The following PRKCQ variants were observed in gnomAD, a reference collection of about 807,000 sequenced individuals.
PRKCQ encodes the protein protein kinase C theta, also known as protein kinase C theta type.
Under a neutral mutation model 91.2 loss-of-function variants are expected in PRKCQ, and 41 were observed. That is an observed-to-expected ratio of 0.45 (90% CI 0.35 to 0.58). PRKCQ has a LOEUF of 0.58. PRKCQ is among the 20% of genes least tolerant of loss of function. PRKCQ has a pLI of 0.00. For synonymous variants in PRKCQ, 307 were observed against 316.9 expected, an observed-to-expected ratio of 0.97 and a Z score of 0.33; for missense variants, 673 against 896.5, an observed-to-expected ratio of 0.75 and a Z score of 3.18.
Position 6,522,286 on chromosome 10 carries a change from C to T in PRKCQ, c.-9-7142G>A, listed in dbSNP as rs553259139. Among the ~76,000 whole-genome samples, 10 of 152,252 alleles carry T rather than the reference C, an allele frequency of 6.6e-5. No homozygotes were observed. The South Asian group carries it at 2.1e-3, about 32-fold the overall frequency. ...CAAAGGATCTTTACTCTTAGAGGCT[C>T]ACTATTTTCAGCTTTAAGTGTGATC... On this transcript the variant is annotated intron_variant, in intron 1 of 17. Transcript: ENST00000263125.
At chr10:6,460,829 TCCATCCATCCATC>T (rs967568254) in intron 14 of PRKCQ, among the ~76,000 whole-genome samples, 5 of 151,794 alleles carry the variant, frequency 3.3e-5, no homozygotes, top group African/African-American at 9.7e-5. Flanking sequence ...TCCATCACCA[TCCATCCATCCATC>T]CCATCCATCC....
At chr10:6,397,748 C>A in the PRKCQ span, among the ~76,000 whole-genome samples, 8 of 152,058 alleles carry the variant, frequency 5.3e-5, no homozygotes, top group Non-Finnish European at 1.2e-4. Flanking sequence ...ATGTGGTGAA[C>A]CCTCATCTCT....
the PRKCQ span, among the ~76,000 whole-genome samples, chr10:6,409,336 C>G: frequency 1.3e-5 from 2 of 152,222 alleles, no homozygotes; most frequent in South Asian, 4.1e-4. Flanking sequence ...GCTCCGTCAT[C>G]CAGGCTGGAG....
intron 1 of PRKCQ, among the ~76,000 whole-genome samples, chr10:6,565,261 A>AT (rs1427951951): frequency 6.6e-6 from 1 of 152,138 alleles, no homozygotes; most frequent in East Asian, 1.9e-4. Flanking sequence ...GGTCTAGTCT[A>AT]TTTTTTCCAT....
chr10:6,419,989 G>A, the PRKCQ span, among the ~76,000 whole-genome samples: 4 of 150,890 alleles, frequency 2.7e-5, no homozygotes, highest in African/African-American at 7.3e-5. Context: ...GTGCCCAGCC[G>A]AAATCTCCTT....
intron 16 of PRKCQ, among the ~76,000 whole-genome samples, chr10:6,433,087 T>TA (rs1465496789): frequency 2.0e-5 from 3 of 152,202 alleles, no homozygotes; most frequent in Admixed American, 6.5e-5. Flanking sequence ...TTACGACTGA[T>TA]ACATCATCCA....
chr10:6,494,644 A>G (rs1296173994), intron 7 of PRKCQ, among the ~76,000 whole-genome samples: 1 of 152,112 alleles, frequency 6.6e-6, no homozygotes. Flanking sequence ...GTGTAGGAGG[A>G]GCGGTCTCTG....
chr10:6,461,039 C>T (rs1835308458), intron 14 of PRKCQ, among the ~76,000 whole-genome samples: 1 of 151,898 alleles, frequency 6.6e-6, no homozygotes, highest in Non-Finnish European at 1.5e-5. Flanking sequence ...TACATCCATT[C>T]ATCCATCCAT....
intron 1 of PRKCQ, among the ~76,000 whole-genome samples, chr10:6,563,202 A>G (rs929187569): frequency 1.3e-5 from 2 of 152,004 alleles, no homozygotes; most frequent in Non-Finnish European, 2.9e-5. Context: ...CTAGGATTTC[A>G]GAGCGTAAGT....
At chr10:6,545,693 T>G (rs1054204473) in intron 1 of PRKCQ, among the ~76,000 whole-genome samples, 1 of 152,166 alleles carries the variant, frequency 6.6e-6, no homozygotes, top group Non-Finnish European at 1.5e-5. Context: ...ACTGTGAATG[T>G]TCTCATGTCC....
chr10:6,456,541 T>C lies in PRKCQ; in HGVS notation c.1647+133A>G, dbSNP rs530329475. The C allele has an allele frequency of 2.6e-5, 31 of 1,202,836 alleles. No individual in the cohort carries two copies. The South Asian group carries it at 4.7e-4, about 18-fold the overall frequency. The allele number at this position is 1,202,836 out of a possible 1,614,324, so 74.5% of individuals were successfully genotyped here. On this transcript the variant is annotated intron_variant, in intron 15 of 17. Coordinates refer to ENST00000263125, the MANE Select transcript of PRKCQ (RefSeq NM_006257.5). ...AAACCCACATGCATGGTGGCGTTTA[T>C]GAGATACTTAAGAAAACAGGTACAA...
At chr10:6,401,883 C>T in the PRKCQ span, among the ~76,000 whole-genome samples, 1 of 152,206 alleles carries the variant, frequency 6.6e-6, no homozygotes, top group South Asian at 2.1e-4. Flanking sequence ...TGGAATTCTT[C>T]CCATCTCTAA....
At chr10:6,554,734 A>G (rs920243562) in intron 1 of PRKCQ, among the ~76,000 whole-genome samples, 4 of 152,240 alleles carry the variant, frequency 2.6e-5, no homozygotes, top group African/African-American at 7.2e-5. Flanking sequence ...ATTAAAAATT[A>G]CTAAGTCTAC....
chr10:6,513,439 G>A (rs1564366018), intron 2 of PRKCQ, among the ~76,000 whole-genome samples: 2 of 106,702 alleles, frequency 1.9e-5, no homozygotes, highest in Non-Finnish European at 1.8e-5. Context: ...CAAAGGCAAG[G>A]CCAAATGCAA....
intron 12 of PRKCQ, among the ~76,000 whole-genome samples, chr10:6,469,247 A>G (rs1325659859): frequency 1.3e-5 from 2 of 152,174 alleles, no homozygotes; most frequent in Non-Finnish European, 2.9e-5. Context: ...GTCTCTTGGG[A>G]AATATAACTT....
chr10:6,462,101 G>A (rs1253534042), intron 14 of PRKCQ, among the ~76,000 whole-genome samples: 1 of 152,212 alleles, frequency 6.6e-6, no homozygotes, highest in Non-Finnish European at 1.5e-5. Context: ...AATGAGCTCA[G>A]CACTTTCCTG....
intron 7 of PRKCQ, among the ~76,000 whole-genome samples, chr10:6,494,256 A>G (rs1184282951): frequency 6.6e-6 from 1 of 152,106 alleles, no homozygotes; most frequent in Non-Finnish European, 1.5e-5. Context: ...ACCAGTCTCC[A>G]CCAGAGCTCA....
intron 14 of PRKCQ, among the ~76,000 whole-genome samples, chr10:6,458,495 A>C (rs934581125): frequency 2.0e-5 from 3 of 152,156 alleles, no homozygotes; most frequent in Admixed American, 6.5e-5. Context: ...TCAGAGGAGA[A>C]GCAGGCCATC....
chr10:6,513,845 T>C (rs1469979649), intron 2 of PRKCQ, among the ~76,000 whole-genome samples: 2 of 152,222 alleles, frequency 1.3e-5, no homozygotes, highest in African/African-American at 4.8e-5. Context: ...AGTCAGTTTC[T>C]TCTTGTATCT....
Sources: gnomAD v4.1 joint callset for allele counts (sites outside exome capture counted in the v4.1 genomes callset) on GRCh38, gnomAD v4.1.1 for gene constraint, MANE v1.5 for transcripts, NCBI Gene and HGNC (gene_info 2026-07-23, HGNC 2026-07-21) for gene names.